PARD3B: variants seen among roughly 807,000 people sequenced by gnomAD.
The protein encoded by PARD3B is par-3 family cell polarity regulator beta.
Under a neutral mutation model 130.2 loss-of-function variants are expected in PARD3B, and 103 were observed. The observed-to-expected ratio is 0.79, with a 90% confidence interval of 0.67 to 0.93. PARD3B has a LOEUF of 0.93. Ranked by LOEUF, PARD3B falls within the 40% of genes least tolerant of loss-of-function variation. The pLI, the probability that PARD3B is intolerant of heterozygous loss-of-function variation, is 0.00. For synonymous variants in PARD3B, 583 were observed against 553.2 expected (o/e 1.05, Z -0.76); for missense variants, 1,609 against 1,499.2 (o/e 1.07, Z -1.21).
At chr2:205,534,477 T>C (rs2051750436) in intron 21 of PARD3B, among the ~76,000 whole-genome samples, 1 of 151,986 alleles carries the variant, frequency 6.6e-6, no homozygotes, top group African/African-American at 2.4e-5. Flanking sequence ...TTTTTTTTTT[T>C]GGAGACAGAG....
intron 21 of PARD3B, among the ~76,000 whole-genome samples, chr2:205,549,020 A>G (rs1575327214): frequency 6.6e-6 from 1 of 152,310 alleles, no homozygotes; most frequent in East Asian, 1.9e-4. Context: ...CTGTGAAAAG[A>G]TGTTCTACAT....
At chr2:205,430,369 A>G (rs1479331353) in intron 19 of PARD3B, among the ~76,000 whole-genome samples, 1 of 152,178 alleles carries the variant, frequency 6.6e-6, no homozygotes, top group Non-Finnish European at 1.5e-5. Flanking sequence ...CCTCCTCAAA[A>G]ATGTTGAATC....
chr2:205,107,243 G>A (rs1391334215), intron 5 of PARD3B, among the ~76,000 whole-genome samples: 1 of 152,136 alleles, frequency 6.6e-6, no homozygotes, highest in Non-Finnish European at 1.5e-5. Context: ...ATTACTGTTG[G>A]ATAAAATGTT....
At chr2:205,342,607 G>C (rs1265996559) in intron 18 of PARD3B, among the ~76,000 whole-genome samples, 1 of 152,172 alleles carries the variant, frequency 6.6e-6, no homozygotes, top group Non-Finnish European at 1.5e-5. Context: ...GCAGCTGTAT[G>C]ACCAGAGAAT....
chr2:205,254,885 C>G lies in PARD3B; in HGVS notation c.2185+9063C>G, dbSNP rs553193017. ...TTCACCATGTTGGTCAGGATGGTCTCGATCTCCTGACCTCGTGATCCGCCC... is the reference window on the plus strand; with the variant it reads ...TTCACCATGTTGGTCAGGATGGTCTGGATCTCCTGACCTCGTGATCCGCCC... On this transcript the variant is annotated intron_variant, in intron 16 of 22. Transcript: ENST00000406610. Among the ~76,000 whole-genome samples the G allele has an allele frequency of 2.2e-4, 34 of 151,712 alleles. 1 individual carries two copies. Among genetic ancestry groups the G allele is most frequent in the African/African-American group, 6.8e-4 (28 of 41,378 alleles).
At chr2:204,856,148 T>C (rs2125617174) in intron 2 of PARD3B, among the ~76,000 whole-genome samples, 1 of 151,904 alleles carries the variant, frequency 6.6e-6, no homozygotes, top group African/African-American at 2.4e-5. Flanking sequence ...GTTGTACTGA[T>C]TGACATTCCC....
rs1165601813 is a variant in PARD3B at position 204,545,732 on chromosome 2, GCCGGTGCCGCGGAGCTGCCGCGTC to G, written c.-263_-240del. 6 of 187,546 alleles carry G rather than the reference GCCGGTGCCGCGGAGCTGCCGCGTC, an allele frequency of 3.2e-5. No homozygotes were observed. The highest frequency in any genetic ancestry group is 2.2e-4 in the African/African-American group (1 of 4,476). The allele number at this position is 187,546 out of a possible 1,614,324, so 11.6% of individuals were successfully genotyped here. On this transcript the variant is annotated 5_prime_UTR_variant, in exon 1 of 23. Transcript: ENST00000406610. ...AGGAGCGGGAGGAGGAGGAGGAGGAGCCGGTGCCGCGGAGCTGCCGCGTCCCGGGCCGCCGGGCACCTGGGAGGT... is the reference window on the plus strand; with the variant it reads ...AGGAGCGGGAGGAGGAGGAGGAGGAGCCGGGCCGCCGGGCACCTGGGAGGT...
At chr2:204,985,826 C>T (rs1693084955) in intron 3 of PARD3B, among the ~76,000 whole-genome samples, 2 of 152,032 alleles carry the variant, frequency 1.3e-5, no homozygotes, top group African/African-American at 2.4e-5. Flanking sequence ...CTTAGCTAGG[C>T]GTGGTGGCTC....
chr2:205,401,294 T>C (rs993579846), intron 19 of PARD3B, among the ~76,000 whole-genome samples, 171 bp downstream of exon 19: 5 of 152,172 alleles, frequency 3.3e-5, no homozygotes, highest in Non-Finnish European at 5.9e-5. Flanking sequence ...AAATTTTTAT[T>C]CTATTTTGAG....
chr2:205,295,830 A>T lies in PARD3B; in HGVS notation c.2186-4700A>T, dbSNP rs148050700. Among the ~76,000 whole-genome samples, 1,079 of 152,268 alleles carry T rather than the reference A, an allele frequency of 7.1e-3. 7 individuals are homozygous for T. Among genetic ancestry groups the T allele is most frequent in the Non-Finnish European group, 6.9e-3 (468 of 68,006 alleles). ...CTCCACTATTAATCTATCTTATCACAATGGCCTCTATATGTGATGAACAGA... is the reference window on the plus strand; with the variant it reads ...CTCCACTATTAATCTATCTTATCACTATGGCCTCTATATGTGATGAACAGA... On this transcript the variant is annotated intron_variant, in intron 16 of 22. Transcript: ENST00000406610.
At chr2:204,833,366 G>A (rs1020354537) in intron 2 of PARD3B, among the ~76,000 whole-genome samples, 1 of 152,090 alleles carries the variant, frequency 6.6e-6, no homozygotes, top group Non-Finnish European at 1.5e-5. Flanking sequence ...ACACAGCAGA[G>A]CCAGAACTCC....
intron 2 of PARD3B, among the ~76,000 whole-genome samples, chr2:204,821,360 C>T (rs1308102821): frequency 6.6e-6 from 1 of 152,072 alleles, no homozygotes; most frequent in East Asian, 1.9e-4. Context: ...CCATGGAATA[C>T]TATGCAGCCA....
At chr2:205,538,059 T>C (rs2051943131) in intron 21 of PARD3B, among the ~76,000 whole-genome samples, 1 of 152,174 alleles carries the variant, frequency 6.6e-6, no homozygotes, top group South Asian at 2.1e-4. Context: ...CTTTTAATCA[T>C]TTATTGAGCA....
At chr2:205,469,329 G>T (rs1327434465) in intron 20 of PARD3B, among the ~76,000 whole-genome samples, 3 of 152,060 alleles carry the variant, frequency 2.0e-5, no homozygotes, top group Non-Finnish European at 4.4e-5. Flanking sequence ...TAGTCAGCAC[G>T]GCTTCCTTCT....
At position 205,061,850 on chromosome 2, in the gene PARD3B, C is replaced by T. The variant is rs73057119; in HGVS notation, c.504+14160C>T. ...AGTTCTTAAGGCAATATTGGAACTA[C>T]ATCAATGAACCCAGCCCTGGCTTTC... On this transcript the variant is annotated intron_variant, in intron 4 of 22. Coordinates refer to ENST00000406610, the MANE Select transcript of PARD3B (RefSeq NM_001302769.2). Among the ~76,000 whole-genome samples the T allele has an allele frequency of 5.9e-3, 885 of 151,208 alleles. 14 individuals are homozygous for T. Among genetic ancestry groups the T allele is most frequent in the African/African-American group, 0.021 (849 of 41,210 alleles).
chr2:204,863,251 T>C (rs79382345), intron 2 of PARD3B, among the ~76,000 whole-genome samples: 2,271 of 152,264 alleles, frequency 0.015, 62 homozygotes, highest in African/African-American at 0.052. Context: ...CCTTCCAGTC[T>C]GATGCTTGTT....
intron 18 of PARD3B, among the ~76,000 whole-genome samples, chr2:205,340,491 A>T (rs2043483281): frequency 6.6e-6 from 1 of 152,254 alleles, no homozygotes; most frequent in Non-Finnish European, 1.5e-5. Context: ...ATCAATATAC[A>T]TTCAGGAAGG....
At chr2:205,339,164 AAT>A (rs1464770649) in intron 18 of PARD3B, among the ~76,000 whole-genome samples, 2 of 152,078 alleles carry the variant, frequency 1.3e-5, no homozygotes, top group Non-Finnish European at 2.9e-5. Flanking sequence ...TTTTGTTTTG[AAT>A]ATCAGTTCAT....
chr2:205,046,480 G>GTT (rs10538808), intron 3 of PARD3B, among the ~76,000 whole-genome samples: 6 of 140,762 alleles, frequency 4.3e-5, no homozygotes, highest in Non-Finnish European at 4.7e-5. Flanking sequence ...CATGAAAGAA[G>GTT]TTTTTTTTTT....
Sources: gnomAD v4.1 joint callset for allele counts (sites outside exome capture counted in the v4.1 genomes callset) on GRCh38, gnomAD v4.1.1 for gene constraint, MANE v1.5 for transcripts, NCBI Gene and HGNC (gene_info 2026-07-23, HGNC 2026-07-21) for gene names.